The following WDR93 variants were observed in gnomAD, a reference collection of about 807,000 sequenced individuals.
The protein encoded by WDR93 is WD repeat-containing protein 93.
A neutral mutation model predicts 82.9 loss-of-function variants in WDR93; 73 were observed. The ratio of observed to expected loss-of-function variants is 0.88; its 90% CI spans 0.73 to 1.07. The LOEUF (loss-of-function observed/expected upper bound fraction) is 1.07, where lower values mean the gene tolerates loss of function less well. Among genes scored for constraint, WDR93 ranks in the 50% least tolerant of loss-of-function variants. WDR93 has a pLI of 0.00. For missense variants in WDR93, 738 were observed against 826.0 expected (o/e 0.89, Z 1.31); for synonymous variants, 283 against 300.1 (o/e 0.94, Z 0.59).
chr15:89,740,345 C>T (rs890068091), intron 16 of WDR93, among the ~76,000 whole-genome samples: 1 of 152,076 alleles, frequency 6.6e-6, no homozygotes, highest in East Asian at 1.9e-4. Context: ...CGGTACCTCC[C>T]GGAGGGAAAT....
At chr15:89,717,648 A>G (rs1002320235) in intron 7 of WDR93, among the ~76,000 whole-genome samples, 1 of 152,216 alleles carries the variant, frequency 6.6e-6, no homozygotes, top group Non-Finnish European at 1.5e-5. Flanking sequence ...AAGGTAACAT[A>G]TTGTAACCAT....
chr15:89,707,405 G>A (rs886815310), intron 4 of WDR93, among the ~76,000 whole-genome samples: 3 of 152,024 alleles, frequency 2.0e-5, no homozygotes, highest in Non-Finnish European at 4.4e-5. Flanking sequence ...ACAAAAATTA[G>A]TTGAGCATGG....
chr15:89,738,752 A>G (rs1409106508), intron 16 of WDR93, among the ~76,000 whole-genome samples: 1 of 152,134 alleles, frequency 6.6e-6, no homozygotes. Context: ...GCTGGGAGAA[A>G]AGAAGGGCTT....
upstream of WDR93, chr15:89,690,484 G>C (rs554836073): frequency 2.2e-6 from 2 of 890,122 alleles, no homozygotes; most frequent in South Asian, 3.1e-5. Context: ...CCATCTACTA[G>C]GCTATCACCT....
chr15:89,735,022 A>T (rs190245560), intron 13 of WDR93, among the ~76,000 whole-genome samples: 45 of 134,402 alleles, frequency 3.3e-4, no homozygotes, highest in Admixed American at 2.5e-3. Flanking sequence ...CCTTCCGTGC[A>T]TCCTTCTTTC....
intron 4 of WDR93, 59 bp from the exon 5 acceptor site, chr15:89,711,967 G>A: frequency 7.0e-7 from 1 of 1,425,096 alleles, no homozygotes; most frequent in East Asian, 2.3e-5. Context: ...AGAAGGTCCT[G>A]AAATACATTC....
chr15:89,743,286 C>T lies in WDR93; in HGVS notation c.1962-6C>T. ...ATTCCTCTCATCACAGTTGTGTGGC[C>T]CTCAGCTATCGGAAGCTGGAGAAGA... On this transcript the variant is annotated splice_polypyrimidine_tract_variant and splice_region_variant and intron_variant, in intron 16 of 16. Transcript: ENST00000268130. 2 of 1,614,064 alleles carry T rather than the reference C, an allele frequency of 1.2e-6. No individual in the cohort carries two copies. The highest frequency in any genetic ancestry group is 1.7e-6 in the Non-Finnish European group (2 of 1,179,960).
chr15:89,693,957 GT>G (rs1362079630), intron 1 of WDR93, among the ~76,000 whole-genome samples: 1 of 152,130 alleles, frequency 6.6e-6, no homozygotes, highest in African/African-American at 2.4e-5. Flanking sequence ...CCACATTAGC[GT>G]TTTAAGAAAT....
chr15:89,741,438 G>C (rs1967666482), intron 16 of WDR93, among the ~76,000 whole-genome samples: 2 of 152,074 alleles, frequency 1.3e-5, no homozygotes, highest in Admixed American at 1.3e-4. Flanking sequence ...ATGTTGCCCA[G>C]GCTGGTCTTG....
At chr15:89,741,547 T>A (rs1967674255) in intron 16 of WDR93, among the ~76,000 whole-genome samples, 2 of 152,166 alleles carry the variant, frequency 1.3e-5, no homozygotes, top group Admixed American at 1.3e-4. Flanking sequence ...CCATTACAGA[T>A]ACAGGGAATT....
At chr15:89,737,051 A>G (rs1359682738) in intron 14 of WDR93, among the ~76,000 whole-genome samples, 1 of 152,192 alleles carries the variant, frequency 6.6e-6, no homozygotes, top group Non-Finnish European at 1.5e-5. Context: ...TTGGCCTCCC[A>G]AAGTGCTGGG....
chr15:89,713,267 T>G (rs7165631), intron 5 of WDR93, among the ~76,000 whole-genome samples: 29,505 of 152,132 alleles, frequency 0.19, 3,068 homozygotes, highest in Middle Eastern at 0.3. Flanking sequence ...GCTGTTTCTC[T>G]TTAATGTTTT....
Position 89,733,129 on chromosome 15 carries a change from T to C in WDR93, c.1454T>C (p.Met485Thr), listed in dbSNP as rs1966892187. Residue 485 changes from methionine to threonine, a missense_variant, in exon 13 of 17, where the codon ATG becomes ACG. Physicochemically the swap from Met to Thr is moderately conservative, Grantham distance 81. Transcript: ENST00000268130. The stretch of plus-strand genomic sequence containing the variant: ...CCTGAAGGTCAAGTGAAATCCCAAA[T>C]GAAATGTGTGGTGCTGTGCACAGAC... ...MYPEGQVKSQMKCVVLCTDAS... is the reference protein window; with the variant it reads ...MYPEGQVKSQTKCVVLCTDAS... 1 of 1,614,044 alleles carries C rather than the reference T, an allele frequency of 6.2e-7. No homozygotes were observed. The highest frequency in any genetic ancestry group is 8.5e-7 in the Non-Finnish European group (1 of 1,180,020).
At chr15:89,714,111 T>G (rs1436395771) in intron 5 of WDR93, 1 of 152,160 alleles carries the variant, frequency 6.6e-6, no homozygotes, top group East Asian at 1.9e-4. Flanking sequence ...TCAGAAGAAT[T>G]CTTTAGGTAC....
intron 8 of WDR93, 89 bp from the exon 9 acceptor site, chr15:89,727,068 A>G (rs1377869679): frequency 7.0e-7 from 1 of 1,433,116 alleles, no homozygotes; most frequent in African/African-American, 1.4e-5. Flanking sequence ...GGGATTCTGC[A>G]GGAAGCTGGG....
At chr15:89,708,835 A>G (rs986879058) in intron 4 of WDR93, among the ~76,000 whole-genome samples, 1 of 152,172 alleles carries the variant, frequency 6.6e-6, no homozygotes, top group African/African-American at 2.4e-5. Flanking sequence ...CCAGTCCTCC[A>G]CTCACTCACC....
intron 7 of WDR93, among the ~76,000 whole-genome samples, 155 bp from the exon 8 acceptor site, chr15:89,721,900 G>C (rs1336548281): frequency 1.3e-5 from 2 of 152,094 alleles, no homozygotes; most frequent in Middle Eastern, 3.2e-3. Flanking sequence ...CTACAGTCTT[G>C]CTATTTACTT....
At chr15:89,694,314 G>A (rs890843028) in intron 1 of WDR93, among the ~76,000 whole-genome samples, 4 of 146,062 alleles carry the variant, frequency 2.7e-5, no homozygotes, top group East Asian at 2.0e-4. Flanking sequence ...GCAGTGGCAC[G>A]ATCTCGGCTC....
Position 89,690,823 on chromosome 15 carries a change from G to T in WDR93, c.-75G>T, listed in dbSNP as rs575308942. On this transcript the variant is annotated 5_prime_UTR_variant, in exon 1 of 17. Coordinates refer to ENST00000268130, the MANE Select transcript of WDR93 (RefSeq NM_020212.2). ...GGACTTCCGGTTCAAGCCGGAAGTT[G>T]TGGTTACCAAGGCGACGCAACGCCG... The T allele has an allele frequency of 6.3e-3, 3,555 of 562,452 alleles. 16 individuals are homozygous for T. Among genetic ancestry groups the T allele is most frequent in the Non-Finnish European group, 8.8e-3 (2,786 of 315,932 alleles). The allele number at this position is 562,452 out of a possible 1,614,324, so 34.8% of individuals were successfully genotyped here.
Sources: gnomAD v4.1 joint callset for allele counts (sites outside exome capture counted in the v4.1 genomes callset) on GRCh38, gnomAD v4.1.1 for gene constraint, MANE v1.5 for transcripts, NCBI Gene and HGNC (gene_info 2026-07-23, HGNC 2026-07-21) for gene names.